PRR11: variants seen among roughly 807,000 people sequenced by gnomAD.
PRR11 encodes the protein proline rich 11.
A neutral mutation model predicts 45.6 loss-of-function variants in PRR11; 30 were observed. That is an observed-to-expected ratio of 0.66 (90% confidence interval 0.49 to 0.89). PRR11 has a LOEUF of 0.89. Among genes scored for constraint, PRR11 ranks in the 40% least tolerant of loss-of-function variants. PRR11 has a pLI of 0.00. For synonymous variants in PRR11, 128 were observed against 153.5 expected, an observed-to-expected ratio of 0.83 and a Z score of 1.23; for missense variants, 373 against 424.8, an observed-to-expected ratio of 0.88 and a Z score of 1.07.
chr17:59,188,835 G>T (rs1373017773), intron 4 of PRR11, among the ~76,000 whole-genome samples: 1 of 151,824 alleles, frequency 6.6e-6, no homozygotes, highest in Non-Finnish European at 1.5e-5. Flanking sequence ...AGCTACTCAA[G>T]AGGCTGAGGC....
intron 2 of PRR11, among the ~76,000 whole-genome samples, chr17:59,173,529 C>G (rs2046723301): frequency 6.6e-6 from 1 of 152,064 alleles, no homozygotes; most frequent in Non-Finnish European, 1.5e-5. Flanking sequence ...TCCAGACGCC[C>G]TGCCTTAAGA....
At chr17:59,164,750 G>A (rs910845772) in intron 1 of PRR11, among the ~76,000 whole-genome samples, 4 of 151,620 alleles carry the variant, frequency 2.6e-5, no homozygotes, top group Non-Finnish European at 4.4e-5. Flanking sequence ...ATGGTGGCGC[G>A]CGCCTGTAAT....
intron 7 of PRR11, among the ~76,000 whole-genome samples, chr17:59,196,378 G>T (rs1223978044): frequency 6.6e-6 from 1 of 151,690 alleles, no homozygotes; most frequent in Non-Finnish European, 1.5e-5. Context: ...TTTATTTTTT[G>T]TATTTTTTTA....
At chr17:59,195,798 G>A (rs546538109) in intron 7 of PRR11, among the ~76,000 whole-genome samples, 1 of 152,014 alleles carries the variant, frequency 6.6e-6, no homozygotes, top group Non-Finnish European at 1.5e-5. Context: ...AGAATTTTAG[G>A]CTGGGAGTGG....
At chr17:59,165,568 A>C (rs886794295) in intron 1 of PRR11, among the ~76,000 whole-genome samples, 4 of 151,998 alleles carry the variant, frequency 2.6e-5, no homozygotes, top group African/African-American at 9.7e-5. Context: ...CAAGGCAGGC[A>C]GATCACTTGA....
At chr17:59,160,384 G>T (rs2046645326) in intron 1 of PRR11, among the ~76,000 whole-genome samples, 1 of 152,072 alleles carries the variant, frequency 6.6e-6, no homozygotes, top group African/African-American at 2.4e-5. Context: ...TTGTTTGGTT[G>T]GTTGGTTTCG....
intron 1 of PRR11, among the ~76,000 whole-genome samples, chr17:59,161,652 G>C (rs1176715278): frequency 6.6e-6 from 1 of 152,158 alleles, no homozygotes. Flanking sequence ...AGGAGGCTGA[G>C]GCAGGAGGAT....
chr17:59,169,750 A>G lies in PRR11; in HGVS notation c.-3A>G. Reference sequence around the variant, plus strand: ...AATGTAAAAAAATTTCTCTGCAGAAATCATGCCCAAGTTCAAACAACGAAG... The same window carrying G: ...AATGTAAAAAAATTTCTCTGCAGAAGTCATGCCCAAGTTCAAACAACGAAG... On this transcript the variant is annotated splice_region_variant and 5_prime_UTR_variant, in exon 2 of 10. Transcript: ENST00000262293. 1 of 1,582,524 alleles carries G rather than the reference A, an allele frequency of 6.3e-7. No homozygotes were observed. Among genetic ancestry groups the G allele is most frequent in the Non-Finnish European group, 8.5e-7 (1 of 1,171,746 alleles).
intron 2 of PRR11, chr17:59,181,869 C>T (rs1464863886): frequency 1.4e-6 from 2 of 1,406,102 alleles, no homozygotes; most frequent in East Asian, 2.4e-5. Flanking sequence ...TTGGCTTCTC[C>T]AAGCCATCTT....
In PRR11 at chr17:59,205,177, A is replaced by ATTTTTATG. The variant is rs2046912142; in HGVS notation, c.*3547_*3554dup. 6.6e-6 allele frequency among the ~76,000 whole-genome samples: 1 copy of ATTTTTATG among 152,058 alleles called. No individual in the cohort carries two copies. The highest frequency in any genetic ancestry group is 2.1e-4 in the South Asian group (1 of 4,822). ...GTGTTCTACCTTGCATCTTTTACTG[A>ATTTTTATG]TTTTTATGACAGATTTTATATTGTA... On this transcript the variant is annotated 3_prime_UTR_variant, in exon 10 of 10. Transcript: ENST00000262293.
chr17:59,198,953 G>T (rs976868204), intron 9 of PRR11, among the ~76,000 whole-genome samples: 2 of 152,188 alleles, frequency 1.3e-5, no homozygotes, highest in Non-Finnish European at 2.9e-5. Context: ...CTTCCTATAT[G>T]CCCAGCAGTG....
rs1328456509 is a variant in PRR11 at position 59,205,740 on chromosome 17, A to G, written c.*4109A>G. On this transcript the variant is annotated 3_prime_UTR_variant, in exon 10 of 10. Transcript: ENST00000262293. ...ATATGTTAAGTATAGAAAAATATAT[A>G]AATTAAAAAATTATAGGCTTGGGGG... 1.3e-5 allele frequency among the ~76,000 whole-genome samples: 2 copies of G among 151,262 alleles called. No individual in the cohort carries two copies. Among genetic ancestry groups the G allele is most frequent in the African/African-American group, 2.4e-5 (1 of 41,234 alleles).
At chr17:59,185,632 C>A in intron 4 of PRR11, 70 bp downstream of exon 4, 3 of 1,324,926 alleles carry the variant, frequency 2.3e-6, no homozygotes, top group Non-Finnish European at 3.1e-6. Context: ...AAGACTATTG[C>A]AATAGGGAAA....
intron 2 of PRR11, chr17:59,174,971 C>A: frequency 1.2e-6 from 1 of 825,944 alleles, no homozygotes; most frequent in South Asian, 1.4e-5. Context: ...CCTCCAACTA[C>A]TCCAGGGAAA....
intron 7 of PRR11, among the ~76,000 whole-genome samples, 198 bp from the exon 8 acceptor site, chr17:59,197,346 G>C (rs944420480): frequency 6.7e-6 from 1 of 149,014 alleles, no homozygotes; most frequent in African/African-American, 2.5e-5. Flanking sequence ...CTGCCTTCCG[G>C]GTTCACGCCA....
chr17:59,205,602 T>C lies in PRR11; in HGVS notation c.*3971T>C, dbSNP rs1228450214. Among the ~76,000 whole-genome samples, 2 of 150,372 alleles carry C rather than the reference T, an allele frequency of 1.3e-5. No individual in the cohort carries two copies. The highest frequency in any genetic ancestry group is 6.6e-5 in the Admixed American group (1 of 15,044). ...CTGTAATCCCAGCTACTGGGAAGGC[T>C]GAGCCAGAATGGCTTGAACCTGGGA... On this transcript the variant is annotated 3_prime_UTR_variant, in exon 10 of 10. Transcript: ENST00000262293.
In PRR11 at chr17:59,180,615, C is replaced by T. The variant is rs187443200; in HGVS notation, c.129-4439C>T. ...CTGCCTCCCGGGTTCTAGAGATTCTCCTGTCTCAGCCTCCCAAGTAGCTGG... is the reference window on the plus strand; with the variant it reads ...CTGCCTCCCGGGTTCTAGAGATTCTTCTGTCTCAGCCTCCCAAGTAGCTGG... On this transcript the variant is annotated intron_variant, in intron 2 of 9. Coordinates refer to ENST00000262293, the MANE Select transcript of PRR11 (RefSeq NM_018304.4). Among the ~76,000 whole-genome samples the T allele has an allele frequency of 1.2e-3, 177 of 149,898 alleles. 1 individual carries two copies. Among genetic ancestry groups the T allele is most frequent in the Middle Eastern group, 3.4e-3 (1 of 292 alleles).
Position 59,201,713 on chromosome 17 carries a change from G to A in PRR11, c.*82G>A. ...CAGCTGGGTGCAGTGGCTCACACCT[G>A]TAATCCCAGCACTTTGGGAGGCTGA... On this transcript the variant is annotated 3_prime_UTR_variant, in exon 10 of 10. Transcript: ENST00000262293. 3 of 1,425,256 alleles carry A rather than the reference G, an allele frequency of 2.1e-6. No homozygotes were observed. Among genetic ancestry groups the A allele is most frequent in the South Asian group, 1.1e-5 (1 of 87,484 alleles). 88.3% of individuals were successfully genotyped at this position (1,425,256 alleles called of 1,614,324 possible).
chr17:59,170,303 A>C (rs965413520), intron 2 of PRR11, among the ~76,000 whole-genome samples: 5 of 152,176 alleles, frequency 3.3e-5, no homozygotes, highest in African/African-American at 1.2e-4. Flanking sequence ...TAAACAATGA[A>C]TAATTTTTTC....
Sources: gnomAD v4.1 joint callset for allele counts (sites outside exome capture counted in the v4.1 genomes callset) on GRCh38, gnomAD v4.1.1 for gene constraint, MANE v1.5 for transcripts, NCBI Gene and HGNC (gene_info 2026-07-23, HGNC 2026-07-21) for gene names.